Variants in CSMD1 observed in about 807,000 individuals in gnomAD.
The protein encoded by CSMD1 is CUB and sushi domain-containing protein 1.
CSMD1 carries 213 observed loss-of-function variants against 417.5 expected under a neutral mutation model. That is an observed-to-expected ratio of 0.51 (90% CI 0.46 to 0.57). The LOEUF is 0.57. Among genes scored for constraint, CSMD1 ranks in the 20% least tolerant of loss-of-function variants. The pLI is 0.00. For missense variants in CSMD1, 6,923 were observed against 4,529.7 expected (o/e 1.53, Z -15.17); for synonymous variants, 2,862 against 1,736.8 (o/e 1.65, Z -16.11).
chr8:4,408,079 A>T (rs555560209), intron 3 of CSMD1, among the ~76,000 whole-genome samples: 9 of 152,208 alleles, frequency 5.9e-5, no homozygotes, highest in African/African-American at 2.2e-4. Flanking sequence ...TCTAATATTT[A>T]AAAGCATGCT....
intron 3 of CSMD1, among the ~76,000 whole-genome samples, chr8:4,190,253 CAA>C (rs11397581): frequency 0.15 from 9,834 of 66,340 alleles, 345 homozygotes; most frequent in Middle Eastern, 0.29. Flanking sequence ...ACTCCGTCTC[CAA>C]AAAAAAAAAA....
intron 5 of CSMD1, among the ~76,000 whole-genome samples, chr8:3,808,256 A>C (rs992288890): frequency 3.3e-5 from 5 of 152,210 alleles, no homozygotes; most frequent in Non-Finnish European, 7.4e-5. Context: ...AAGTAGTCAC[A>C]TTTACTAAGG....
At chr8:3,346,790 G>C (rs1808031923) in intron 22 of CSMD1, among the ~76,000 whole-genome samples, 1 of 152,186 alleles carries the variant, frequency 6.6e-6, no homozygotes, top group Non-Finnish European at 1.5e-5. Flanking sequence ...TTCAAAGTGA[G>C]TTGACAATAC....
Position 4,548,678 on chromosome 8 carries a change from T to C in CSMD1, c.302+88664A>G, listed in dbSNP as rs73661522. Among the ~76,000 whole-genome samples the C allele has an allele frequency of 4.5e-3, 692 of 152,322 alleles. 3 individuals carry two copies. The highest frequency in any genetic ancestry group is 0.016 in the African/African-American group (662 of 41,574). On this transcript the variant is annotated intron_variant, in intron 2 of 69. Coordinates refer to ENST00000635120, the MANE Select transcript of CSMD1 (RefSeq NM_033225.6). ...TCACAATTAGGTGTTTGATTTTCCA[T>C]CTACCTGTCTACAAAGCATTTCTCT...
At chr8:3,351,834 G>C (rs1046508696) in intron 21 of CSMD1, among the ~76,000 whole-genome samples, 9 of 150,248 alleles carry the variant, frequency 6.0e-5, no homozygotes, top group Middle Eastern at 3.5e-3. Flanking sequence ...TTATATTTTA[G>C]TACCTATATT....
rs999195408 is a variant in CSMD1 at position 4,096,695 on chromosome 8, C to T, written c.416-64596G>A. ...GCAACAAATTCAGACTTTCCAAAAG[C>T]GTCACTCACTAATCCATAGGTAATC... On this transcript the variant is annotated intron_variant, in intron 3 of 69. Coordinates refer to ENST00000635120, the MANE Select transcript of CSMD1 (RefSeq NM_033225.6). 1.2e-4 allele frequency among the ~76,000 whole-genome samples: 19 copies of T among 152,292 alleles called. 2 individuals carry two copies. In the East Asian group the frequency reaches 2.5e-3, roughly 20 times the overall value.
intron 2 of CSMD1, among the ~76,000 whole-genome samples, chr8:4,426,172 T>C (rs575552160): frequency 6.6e-6 from 1 of 151,670 alleles, no homozygotes; most frequent in Non-Finnish European, 1.5e-5. Flanking sequence ...GGCTAGGTAA[T>C]CAGGAAATAG....
intron 8 of CSMD1, among the ~76,000 whole-genome samples, chr8:3,593,727 A>G (rs1800963583): frequency 6.6e-6 from 1 of 152,228 alleles, no homozygotes; most frequent in Non-Finnish European, 1.5e-5. Context: ...TTATAGACTT[A>G]TTAATTCAAC....
chr8:3,364,151 G>C (rs759663465), intron 20 of CSMD1, among the ~76,000 whole-genome samples: 21 of 150,450 alleles, frequency 1.4e-4, no homozygotes, highest in Non-Finnish European at 2.1e-4. Flanking sequence ...CTAGTTATTT[G>C]TATACTTAAA....
intron 12 of CSMD1, among the ~76,000 whole-genome samples, chr8:3,439,124 A>G (rs1814769782): frequency 9.9e-6 from 1 of 101,340 alleles, no homozygotes; most frequent in Non-Finnish European, 1.9e-5. Flanking sequence ...CTCCATCTCA[A>G]AAAAAAAAAA....
At chr8:4,120,331 G>C (rs1032481996) in intron 3 of CSMD1, among the ~76,000 whole-genome samples, 8 of 152,090 alleles carry the variant, frequency 5.3e-5, no homozygotes, top group Non-Finnish European at 1.2e-4. Context: ...TGATTACTTA[G>C]CTATAAGATA....
chr8:4,012,595 C>T (rs896462299), intron 4 of CSMD1, among the ~76,000 whole-genome samples: 1 of 152,144 alleles, frequency 6.6e-6, no homozygotes. Context: ...CCTCAGTAGG[C>T]CTCAGTGACT....
intron 49 of CSMD1, among the ~76,000 whole-genome samples, chr8:3,071,165 C>T (rs1813299964): frequency 6.6e-6 from 1 of 152,232 alleles, no homozygotes; most frequent in African/African-American, 2.4e-5. Flanking sequence ...CCAAACACCT[C>T]TTTCCAGGCC....
chr8:4,619,573 T>G (rs943402926), intron 2 of CSMD1, among the ~76,000 whole-genome samples: 9 of 152,176 alleles, frequency 5.9e-5, no homozygotes, highest in African/African-American at 1.9e-4. Context: ...TTTTGATGAT[T>G]TGCTCACCAG....
intron 5 of CSMD1, among the ~76,000 whole-genome samples, chr8:3,830,768 G>C (rs1223551683): frequency 1.3e-5 from 2 of 152,114 alleles, no homozygotes; most frequent in African/African-American, 2.4e-5. Context: ...TTAATCTCAA[G>C]ATGAATGGAT....
At chr8:3,323,325 C>T (rs1806277409) in intron 23 of CSMD1, among the ~76,000 whole-genome samples, 2 of 152,072 alleles carry the variant, frequency 1.3e-5, no homozygotes, top group Non-Finnish European at 1.5e-5. Context: ...TCCCCATTTT[C>T]CCAAGTCTTA....
chr8:3,991,586 T>C (rs1395600170), intron 5 of CSMD1, among the ~76,000 whole-genome samples: 1 of 152,178 alleles, frequency 6.6e-6, no homozygotes, highest in African/African-American at 2.4e-5. Context: ...GAGTAGCTAG[T>C]GATGACTCCA....
At position 3,457,751 on chromosome 8, in the gene CSMD1, T is replaced by A. The variant is rs1037027522; in HGVS notation, c.1561+10961A>T. On this transcript the variant is annotated intron_variant, in intron 12 of 69. Coordinates refer to ENST00000635120, the MANE Select transcript of CSMD1 (RefSeq NM_033225.6). Reference sequence around the variant, plus strand: ...TACCAAAGAAAAATAATAAAGGTAATGAGAAAATTGAAAGCAACAAATTCC... The same window carrying A: ...TACCAAAGAAAAATAATAAAGGTAAAGAGAAAATTGAAAGCAACAAATTCC... 2.0e-5 allele frequency among the ~76,000 whole-genome samples: 3 copies of A among 152,044 alleles called. No homozygotes were observed. The East Asian group carries it at 5.8e-4, about 29-fold the overall frequency.
chr8:3,599,640 A>G (rs1240720769), intron 8 of CSMD1, among the ~76,000 whole-genome samples: 1 of 152,208 alleles, frequency 6.6e-6, no homozygotes, highest in Non-Finnish European at 1.5e-5. Context: ...CCCTAGGTTT[A>G]TTCATCCTAT....
Sources: allele counts gnomAD v4.1 joint callset (sites outside exome capture counted in the v4.1 genomes callset), GRCh38; gene constraint gnomAD v4.1.1; transcripts MANE v1.5; gene names NCBI Gene and HGNC (gene_info 2026-07-23, HGNC 2026-07-21).